Variants in NDUFA10 observed in about 807,000 individuals in gnomAD.
NDUFA10 encodes NADH dehydrogenase [ubiquinone] 1 alpha subcomplex subunit 10, mitochondrial.
Under a neutral mutation model 47.8 loss-of-function variants are expected in NDUFA10, and 40 were observed. That is an observed-to-expected ratio of 0.84 (90% CI 0.65 to 1.09). NDUFA10 has a LOEUF of 1.09. NDUFA10 is among the 50% of genes least tolerant of loss of function. The pLI is 0.00. For missense variants in NDUFA10, 413 were observed against 451.1 expected (o/e 0.92, Z 0.76); for synonymous variants, 183 against 172.2 (o/e 1.06, Z -0.49).
intron 9 of NDUFA10, among the ~76,000 whole-genome samples, chr2:239,977,086 A>G (rs924362082): frequency 8.5e-5 from 13 of 152,118 alleles, no homozygotes. Context: ...TTCCCCCGCC[A>G]AGCAGATCTC....
chr2:239,946,978 G>A (rs577544614), intron 4 of NDUFA10, among the ~76,000 whole-genome samples: 8 of 152,368 alleles, frequency 5.3e-5, no homozygotes, highest in Admixed American at 2.6e-4. Context: ...TGCGTGAAGT[G>A]CCAGGGCAGT....
At chr2:239,967,564 C>A in intron 9 of NDUFA10, among the ~76,000 whole-genome samples, 1 of 152,150 alleles carries the variant, frequency 6.6e-6, no homozygotes. Context: ...AAGCTGAGTC[C>A]ACGACGTGGT....
chr2:239,927,781 C>T (rs534482501), intron 4 of NDUFA10, among the ~76,000 whole-genome samples: 6 of 152,128 alleles, frequency 3.9e-5, no homozygotes, highest in Non-Finnish European at 8.8e-5. Flanking sequence ...GAGATTCACA[C>T]GATGACATCA....
intron 4 of NDUFA10, among the ~76,000 whole-genome samples, chr2:239,905,849 GGGGA>G: frequency 7.2e-6 from 1 of 138,710 alleles, no homozygotes; most frequent in Non-Finnish European, 1.6e-5. Context: ...GGGGAGGGGA[GGGGA>G]GGGGAGGGGA....
chr2:239,947,941 C>T (rs1234482800), intron 4 of NDUFA10, among the ~76,000 whole-genome samples: 1 of 152,148 alleles, frequency 6.6e-6, no homozygotes. Context: ...AGCGTGGGCA[C>T]TGGGTGAACA....
chr2:239,947,873 T>G (rs77158577), intron 4 of NDUFA10, among the ~76,000 whole-genome samples: 11,575 of 152,226 alleles, frequency 0.076, 963 homozygotes, highest in African/African-American at 0.21. Flanking sequence ...GTCCAAAACT[T>G]GTTCAGACTT....
chr2:239,918,769 G>T (rs760467741), intron 4 of NDUFA10, among the ~76,000 whole-genome samples: 3 of 152,182 alleles, frequency 2.0e-5, no homozygotes, highest in Non-Finnish European at 4.4e-5. Flanking sequence ...ATGGTGACTG[G>T]TTACCCACGT....
intron 4 of NDUFA10, among the ~76,000 whole-genome samples, chr2:239,910,925 C>T (rs1002637293): frequency 2.6e-4 from 39 of 152,196 alleles, no homozygotes; most frequent in Admixed American, 1.3e-4. Flanking sequence ...GAGGCCGCTC[C>T]GTCCTGAGCA....
At position 239,948,558 on chromosome 2, in the gene NDUFA10, G is replaced by A. The variant is rs545096544; in HGVS notation, c.294+41516C>T. Among the ~76,000 whole-genome samples the A allele has an allele frequency of 4.6e-5, 7 of 152,372 alleles. No homozygotes were observed. The South Asian group carries it at 6.2e-4, about 14-fold the overall frequency. On this transcript the variant is annotated intron_variant, in intron 4 of 5. Transcript: ENST00000419408. ...AATGTAAAAAGCAGCAGGCCTGCCCGAGCAAAGCTGCCAAGGCTAAAAGCC... is the reference window on the plus strand; with the variant it reads ...AATGTAAAAAGCAGCAGGCCTGCCCAAGCAAAGCTGCCAAGGCTAAAAGCC...
intron 9 of NDUFA10, among the ~76,000 whole-genome samples, chr2:239,961,490 A>G (rs1694851173): frequency 6.6e-6 from 1 of 152,122 alleles, no homozygotes; most frequent in Non-Finnish European, 1.5e-5. Context: ...GGGGACAGAG[A>G]GCAATGGGTG....
At chr2:239,995,363 C>T (rs1696429569) in intron 8 of NDUFA10, among the ~76,000 whole-genome samples, 1 of 152,120 alleles carries the variant, frequency 6.6e-6, no homozygotes, top group Non-Finnish European at 1.5e-5. Context: ...TACCTGCAGC[C>T]CCATGGAGCA....
At chr2:239,973,773 T>C in intron 9 of NDUFA10, 1 of 364,964 alleles carries the variant, frequency 2.7e-6, no homozygotes, top group Non-Finnish European at 5.6e-6. Flanking sequence ...ATCAGCAGCC[T>C]GTCCTGCACA....
At position 239,958,158 on chromosome 2, in the gene NDUFA10, A is replaced by G. The variant is rs543634482; in HGVS notation, c.*2960T>C. 3 of 152,310 alleles carry G rather than the reference A, an allele frequency of 2.0e-5. No individual in the cohort carries two copies. Among genetic ancestry groups the G allele is most frequent in the Admixed American group, 2.0e-4 (3 of 15,302 alleles). 9.4% of individuals were successfully genotyped at this position (152,310 alleles called of 1,614,324 possible). On this transcript the variant is annotated 3_prime_UTR_variant, in exon 10 of 10. Transcript: ENST00000252711. ...TGATGCCTACACAAGCTTTTCTTCA[A>G]AAAGCCCCAATTTCTGACAGCCATG... is the stretch of plus-strand genomic sequence containing the variant.
At chr2:239,944,474 C>T (rs570806341) in intron 4 of NDUFA10, among the ~76,000 whole-genome samples, 54 of 152,326 alleles carry the variant, frequency 3.5e-4, no homozygotes, top group African/African-American at 1.2e-3. Context: ...CTGTCAGACT[C>T]TCAGTGAGCT....
intron 5 of NDUFA10, chr2:240,012,466 G>A (rs1697180541): frequency 6.6e-6 from 1 of 152,154 alleles, no homozygotes. Flanking sequence ...AGGACAGGGT[G>A]GATGCTCAAT....
Position 240,014,772 on chromosome 2 carries a change from T to C in NDUFA10, c.636A>G (p.Pro212=), listed in dbSNP as rs1469057726. Residue 212 remains proline (P), a synonymous_variant, in exon 5 of 10, where the codon CCA becomes CCG. Coordinates refer to ENST00000252711, the MANE Select transcript of NDUFA10 (RefSeq NM_004544.4). ...HLVIYIDVPV[P]EVQRRIQKKG... ...TCTTCTGAATCCGCCTCTGGACCTC[T>C]GGAACGGGCACATCGATGTAAATCA... is the stretch of plus-strand genomic sequence containing the variant. The C allele has an allele frequency of 1.2e-5, 20 of 1,614,144 alleles. No individual in the cohort carries two copies. Among genetic ancestry groups the C allele is most frequent in the Admixed American group, 3.3e-5 (2 of 60,012 alleles).
chr2:239,962,043 C>T (rs977261378), intron 9 of NDUFA10, among the ~76,000 whole-genome samples: 3 of 152,230 alleles, frequency 2.0e-5, no homozygotes, highest in Non-Finnish European at 4.4e-5. Context: ...AGGCGGCCAG[C>T]ACAGGGCTGG....
At position 240,011,987 on chromosome 2, in the gene NDUFA10, G is replaced by A. The variant is rs530620283; in HGVS notation, c.670-291C>T. 3.9e-5 allele frequency: 16 copies of A among 407,320 alleles called. 1 individual carries two copies. The highest frequency in any genetic ancestry group is 3.1e-4 in the African/African-American group (15 of 48,934). The allele number at this position is 407,320 out of a possible 1,614,324, so 25.2% of individuals were successfully genotyped here. On this transcript the variant is annotated intron_variant, in intron 5 of 9. Coordinates refer to ENST00000252711, the MANE Select transcript of NDUFA10 (RefSeq NM_004544.4). ...AAGATGCCTGTTACGAAGCAGCACT[G>A]CCTGTCTTTCCTGTCTGCCTCGTGC... is the stretch of plus-strand genomic sequence containing the variant.
At chr2:239,976,977 T>C (rs1175121312) in intron 9 of NDUFA10, among the ~76,000 whole-genome samples, 7 of 151,980 alleles carry the variant, frequency 4.6e-5, no homozygotes. Context: ...AAGCAAAAAT[T>C]ACAGAACCCC....
Sources: allele counts gnomAD v4.1 joint callset (sites outside exome capture counted in the v4.1 genomes callset), GRCh38; gene constraint gnomAD v4.1.1; transcripts MANE v1.5; gene names NCBI Gene and HGNC (gene_info 2026-07-23, HGNC 2026-07-21).